Variants in PDSS2 observed in about 807,000 individuals in gnomAD.
The protein encoded by PDSS2 is all trans-polyprenyl-diphosphate synthase PDSS2.
In PDSS2, 31 loss-of-function variants were observed where a neutral mutation model predicts 44.5. The ratio of observed to expected loss-of-function variants is 0.70; its 90% CI spans 0.52 to 0.94. The LOEUF is 0.94. PDSS2 is among the 40% of genes least tolerant of loss of function. The pLI is 0.00. For synonymous variants in PDSS2, 157 were observed against 180.3 expected (o/e 0.87, Z 1.03); for missense variants, 452 against 482.2 (o/e 0.94, Z 0.59).
chr6:107,298,102 T>C (rs1422802207), intron 2 of PDSS2, among the ~76,000 whole-genome samples: 1 of 152,110 alleles, frequency 6.6e-6, no homozygotes, highest in Admixed American at 6.5e-5. Flanking sequence ...GAAAAAGATA[T>C]GAGAAGGAAA....
chr6:107,242,036 C>T (rs1248452179), intron 4 of PDSS2, among the ~76,000 whole-genome samples: 1 of 152,118 alleles, frequency 6.6e-6, no homozygotes, highest in Non-Finnish European at 1.5e-5. Flanking sequence ...GGGGGCAGTG[C>T]TCTCTCTGGC....
intron 1 of PDSS2, among the ~76,000 whole-genome samples, chr6:107,363,483 C>T (rs1316023083): frequency 6.6e-6 from 1 of 151,830 alleles, no homozygotes; most frequent in Non-Finnish European, 1.5e-5. Context: ...GGCAGCACGT[C>T]TGGAGTTGTT....
At chr6:107,293,492 G>A (rs1207273040) in intron 2 of PDSS2, among the ~76,000 whole-genome samples, 1 of 152,142 alleles carries the variant, frequency 6.6e-6, no homozygotes. Flanking sequence ...TAGTGCTCAT[G>A]CTTTCTGCCG....
intron 7 of PDSS2, among the ~76,000 whole-genome samples, chr6:107,162,130 A>T (rs1156394169): frequency 6.6e-6 from 1 of 152,152 alleles, no homozygotes; most frequent in African/African-American, 2.4e-5. Flanking sequence ...TTTGACATGC[A>T]TCTCTGAAGA....
intron 3 of PDSS2, among the ~76,000 whole-genome samples, chr6:107,272,652 A>C (rs988169224): frequency 1.3e-5 from 2 of 152,178 alleles, no homozygotes; most frequent in African/African-American, 2.4e-5. Flanking sequence ...TACCTTTATA[A>C]CCTTTCCAGA....
chr6:107,201,745 T>A (rs976517384), intron 6 of PDSS2, among the ~76,000 whole-genome samples: 7 of 152,212 alleles, frequency 4.6e-5, no homozygotes, highest in African/African-American at 1.7e-4. Flanking sequence ...ATCAGGTTAT[T>A]CTTCCCAAAT....
chr6:107,376,102 T>C (rs1269346609), intron 1 of PDSS2, among the ~76,000 whole-genome samples: 1 of 152,224 alleles, frequency 6.6e-6, no homozygotes, highest in Non-Finnish European at 1.5e-5. Flanking sequence ...GAGGGCTCTG[T>C]TCTGTTCCAT....
intron 1 of PDSS2, among the ~76,000 whole-genome samples, chr6:107,369,685 A>C (rs1466385505): frequency 1.3e-5 from 2 of 152,126 alleles, no homozygotes; most frequent in Non-Finnish European, 1.5e-5. Context: ...TGCCAGTACC[A>C]ATCTCCATAC....
intron 1 of PDSS2, among the ~76,000 whole-genome samples, chr6:107,409,762 G>A (rs1426910304): frequency 1.3e-5 from 2 of 152,162 alleles, no homozygotes; most frequent in Non-Finnish European, 2.9e-5. Flanking sequence ...CTGCAAAGTA[G>A]ACACGGTTCC....
intron 2 of PDSS2, among the ~76,000 whole-genome samples, chr6:107,283,733 A>C (rs971223404): frequency 6.7e-6 from 1 of 149,796 alleles, no homozygotes; most frequent in African/African-American, 2.5e-5. Flanking sequence ...AAAATAAATA[A>C]ATAAATAAAT....
chr6:107,343,435 T>G (rs370880018), intron 1 of PDSS2, among the ~76,000 whole-genome samples: 13 of 152,194 alleles, frequency 8.5e-5, no homozygotes, highest in African/African-American at 2.7e-4. Flanking sequence ...CAACTGTAGT[T>G]TTTTTGAAAA....
intron 4 of PDSS2, among the ~76,000 whole-genome samples, chr6:107,218,904 A>C (rs1428474093): frequency 6.6e-6 from 1 of 152,122 alleles, no homozygotes; most frequent in African/African-American, 2.4e-5. Context: ...CTAAAAATGC[A>C]AACATTAGCT....
chr6:107,169,284 T>C (rs1364453188), intron 7 of PDSS2, among the ~76,000 whole-genome samples: 1 of 152,222 alleles, frequency 6.6e-6, no homozygotes, highest in African/African-American at 2.4e-5. Flanking sequence ...TACTGAAGCT[T>C]GTGCATTCGT....
intron 4 of PDSS2, 62 bp downstream of exon 4, chr6:107,245,486 G>A (rs376775845): frequency 8.8e-5 from 53 of 600,614 alleles, no homozygotes; most frequent in Middle Eastern, 9.2e-4. Context: ...TGACATTTTC[G>A]TTATTCTAGT....
chr6:107,342,482 T>A (rs1360441469), intron 1 of PDSS2, among the ~76,000 whole-genome samples: 1 of 152,222 alleles, frequency 6.6e-6, no homozygotes, highest in Non-Finnish European at 1.5e-5. Context: ...CGTTGTATTT[T>A]AAAAATTACT....
chr6:107,193,747 C>T, intron 7 of PDSS2, 75 bp downstream of exon 7: 2 of 902,190 alleles, frequency 2.2e-6, no homozygotes, highest in South Asian at 1.3e-5. Context: ...CTCTTTTGAC[C>T]TTTCAAATAT....
At position 107,368,254 on chromosome 6, in the gene PDSS2, C is replaced by T. The variant is rs796632744; in HGVS notation, c.297-33922G>A. On this transcript the variant is annotated intron_variant, in intron 1 of 7. Transcript: ENST00000369037. ...ACTGCACTCCAGCCTGGTGACAGAG[C>T]GAGACTCGTCTCAAAAAAAAAAAAA... is the stretch of plus-strand genomic sequence containing the variant. Among the ~76,000 whole-genome samples, 4 of 141,554 alleles carry T rather than the reference C, an allele frequency of 2.8e-5. No individual in the cohort carries two copies. In the East Asian group the frequency reaches 6.2e-4, roughly 22 times the overall value. 92.9% of individuals were successfully genotyped at this position (141,554 alleles called of 152,430 possible).
At chr6:107,324,520 G>A (rs1777478170) in intron 2 of PDSS2, among the ~76,000 whole-genome samples, 1 of 152,084 alleles carries the variant, frequency 6.6e-6, no homozygotes, top group African/African-American at 2.4e-5. Context: ...ACATGAATAG[G>A]TTATTAAAAA....
chr6:107,406,645 T>TA (rs1182136198), intron 1 of PDSS2, among the ~76,000 whole-genome samples: 3 of 152,208 alleles, frequency 2.0e-5, no homozygotes, highest in African/African-American at 7.2e-5. Context: ...AGACTAGTGA[T>TA]ACAGCTTAAA....
Sources: allele counts gnomAD v4.1 joint callset (sites outside exome capture counted in the v4.1 genomes callset), GRCh38; gene constraint gnomAD v4.1.1; transcripts MANE v1.5; gene names NCBI Gene and HGNC (gene_info 2026-07-23, HGNC 2026-07-21).